The following DPP6 variants were observed in gnomAD, a reference collection of about 807,000 sequenced individuals.
The protein encoded by DPP6 is dipeptidyl peptidase like 6.
DPP6 carries 69 observed loss-of-function variants against 122.6 expected under a neutral mutation model. That is an observed-to-expected ratio of 0.56 (90% CI 0.46 to 0.69). The LOEUF (loss-of-function observed/expected upper bound fraction) is 0.69, where lower values mean the gene tolerates loss of function less well. Ranked by LOEUF, DPP6 falls within the 30% of genes least tolerant of loss-of-function variation. DPP6 has a pLI of 0.00. For synonymous variants in DPP6, 418 were observed against 433.1 expected, an observed-to-expected ratio of 0.97 and a Z score of 0.43; for missense variants, 928 against 1,116.9, an observed-to-expected ratio of 0.83 and a Z score of 2.41.
intron 3 of DPP6, among the ~76,000 whole-genome samples, chr7:154,506,947 A>G (rs12534820): frequency 0.14 from 21,905 of 152,184 alleles, 1,688 homozygotes; most frequent in Admixed American, 0.22. Context: ...TAATTCCCCT[A>G]GAAAGTTTTC....
chr7:154,060,333 G>C (rs866070189), intron 1 of DPP6, among the ~76,000 whole-genome samples: 2 of 127,852 alleles, frequency 1.6e-5, no homozygotes, highest in Non-Finnish European at 3.5e-5. Context: ...CGCAGGAGGG[G>C]GAGGCACCCC....
Position 154,852,230 on chromosome 7 carries a change from G to A in DPP6, c.1667-1550G>A, listed in dbSNP as rs571374596. Among the ~76,000 whole-genome samples the A allele has an allele frequency of 1.1e-4, 16 of 152,202 alleles. No homozygotes were observed. The South Asian group carries it at 2.7e-3, about 26-fold the overall frequency. On this transcript the variant is annotated intron_variant, in intron 16 of 25. Coordinates refer to ENST00000377770, the MANE Select transcript of DPP6 (RefSeq NM_130797.4). ...CGTGTGGGGAGTTTTGATGATGACC[G>A]CAGGAATACTGAACTCCACCCATCC...
chr7:153,778,231 A>G, the DPP6 span, among the ~76,000 whole-genome samples: 1 of 150,730 alleles, frequency 6.6e-6, no homozygotes, highest in Non-Finnish European at 1.5e-5. Flanking sequence ...GAATCTACAT[A>G]TAAAGAGGGA....
At chr7:154,686,738 T>C (rs924902438) in intron 7 of DPP6, among the ~76,000 whole-genome samples, 3 of 152,314 alleles carry the variant, frequency 2.0e-5, no homozygotes, top group Middle Eastern at 6.8e-3. Flanking sequence ...TATGTCTCCT[T>C]TTCCAGGGGG....
At chr7:153,941,745 A>C (rs1294868753) in intron 1 of DPP6, among the ~76,000 whole-genome samples, 1 of 152,210 alleles carries the variant, frequency 6.6e-6, no homozygotes, top group East Asian at 1.9e-4. Context: ...GGTACACAGC[A>C]AGGTAAGAAA....
At chr7:154,578,330 C>T (rs1831818105) in intron 5 of DPP6, among the ~76,000 whole-genome samples, 2 of 152,188 alleles carry the variant, frequency 1.3e-5, no homozygotes, top group Non-Finnish European at 2.9e-5. Context: ...TAGCAAGTGC[C>T]TGGGAATTTT....
rs773269656 is a variant in DPP6, at chr7:154,889,438, T to A, written c.2378-19T>A. 1.4e-6 allele frequency: 2 copies of A among 1,459,724 alleles called. No individual in the cohort carries two copies. The highest frequency in any genetic ancestry group is 2.6e-5 in the South Asian group (2 of 77,532). 90.4% of individuals were successfully genotyped at this position (1,459,724 alleles called of 1,614,324 possible). On this transcript the variant is annotated intron_variant, in intron 24 of 25. Coordinates refer to ENST00000377770, the MANE Select transcript of DPP6 (RefSeq NM_130797.4). ...TTAACAAATGTCTTCCTCTCTTTTT[T>A]TTTTTTTTTTTTGCACAGAAAAAAT...
In DPP6 at chr7:154,223,201, C is replaced by CAT. The variant is rs144486770; in HGVS notation, c.243+170139_243+170140dup. Among the ~76,000 whole-genome samples, 660 of 149,304 alleles carry CAT rather than the reference C, an allele frequency of 4.4e-3. 76 individuals are homozygous for CAT. The highest frequency in any genetic ancestry group is 0.016 in the African/African-American group (641 of 39,206). On this transcript the variant is annotated intron_variant, in intron 1 of 25. Transcript: ENST00000377770. Reference sequence around the variant, plus strand: ...ATGGTATGGCCAAGGAGAAGCAAAACATTGCAGACCGTCTCTACCAGCAGA... The same window carrying CAT: ...ATGGTATGGCCAAGGAGAAGCAAAACATATTGCAGACCGTCTCTACCAGCAGA...
intron 1 of DPP6, among the ~76,000 whole-genome samples, chr7:153,908,169 G>T (rs1268043732): frequency 6.6e-6 from 1 of 151,040 alleles, no homozygotes; most frequent in African/African-American, 2.5e-5. Flanking sequence ...CACCACTTGT[G>T]CAAGGTACTG....
intron 16 of DPP6, among the ~76,000 whole-genome samples, chr7:154,841,645 C>T (rs1801556085): frequency 6.6e-6 from 1 of 151,426 alleles, no homozygotes; most frequent in South Asian, 2.1e-4. Flanking sequence ...TATCATGAGC[C>T]CTGAGTGTCA....
chr7:154,370,309 T>C (rs1027824899), intron 1 of DPP6, among the ~76,000 whole-genome samples: 4 of 151,786 alleles, frequency 2.6e-5, no homozygotes, highest in South Asian at 2.1e-4. Flanking sequence ...TAGGGACTCT[T>C]TGATGCCTGA....
At chr7:154,438,023 G>A (rs1819012933) in intron 1 of DPP6, among the ~76,000 whole-genome samples, 6 of 152,142 alleles carry the variant, frequency 3.9e-5, no homozygotes. Context: ...GAGTGTAAGT[G>A]TAGCTAGAAT....
chr7:154,302,935 C>T (rs1244043045), intron 1 of DPP6, among the ~76,000 whole-genome samples: 4 of 152,166 alleles, frequency 2.6e-5, no homozygotes, highest in Non-Finnish European at 5.9e-5. Context: ...AAGATGCGAA[C>T]AGATGGGAGC....
intron 3 of DPP6, among the ~76,000 whole-genome samples, chr7:154,534,307 C>G (rs1828068358): frequency 6.6e-6 from 1 of 152,080 alleles, no homozygotes; most frequent in Admixed American, 6.6e-5. Flanking sequence ...TCAATGCTTT[C>G]TGCCTAACAT....
chr7:154,878,984 C>G (rs1172866595), intron 20 of DPP6, among the ~76,000 whole-genome samples: 5 of 152,210 alleles, frequency 3.3e-5, no homozygotes, highest in African/African-American at 1.2e-4. Context: ...GTGAAAGATA[C>G]TGAAAACACA....
chr7:154,504,637 A>G (rs1185021094), intron 3 of DPP6, among the ~76,000 whole-genome samples: 1 of 152,204 alleles, frequency 6.6e-6, no homozygotes, highest in Non-Finnish European at 1.5e-5. Flanking sequence ...AGATCATTAC[A>G]ACCCAAAAGC....
intron 1 of DPP6, among the ~76,000 whole-genome samples, chr7:154,266,679 A>G (rs760334022): frequency 6.6e-6 from 1 of 152,220 alleles, no homozygotes; most frequent in Admixed American, 6.5e-5. Context: ...ACTGGGTTTT[A>G]TCACATAAGT....
At chr7:153,770,715 A>C in the DPP6 span, among the ~76,000 whole-genome samples, 1 of 152,224 alleles carries the variant, frequency 6.6e-6, no homozygotes, top group Non-Finnish European at 1.5e-5. Context: ...AACTATGACT[A>C]TGTTAAAGGC....
At chr7:154,047,185 C>G (rs996458730) in intron 1 of DPP6, among the ~76,000 whole-genome samples, 3 of 150,120 alleles carry the variant, frequency 2.0e-5, no homozygotes, top group Admixed American at 2.0e-4. Flanking sequence ...ATACCGCAAG[C>G]AGGACTTGGT....
Sources: allele counts gnomAD v4.1 joint callset (sites outside exome capture counted in the v4.1 genomes callset), GRCh38; gene constraint gnomAD v4.1.1; transcripts MANE v1.5; gene names NCBI Gene and HGNC (gene_info 2026-07-23, HGNC 2026-07-21).